FAT1: variants seen among roughly 807,000 people sequenced by gnomAD.
The protein encoded by FAT1 is FAT atypical cadherin 1.
Under a neutral mutation model 329.8 loss-of-function variants are expected in FAT1, and 171 were observed. That is an observed-to-expected ratio of 0.52 (90% CI 0.46 to 0.59). FAT1 has a LOEUF of 0.59. Ranked by LOEUF, FAT1 falls within the 20% of genes least tolerant of loss-of-function variation. The pLI, the probability that FAT1 is intolerant of heterozygous loss-of-function variation, is 0.00. For synonymous variants in FAT1, 2,233 were observed against 2,228.6 expected, an observed-to-expected ratio of 1.00 and a Z score of -0.06; for missense variants, 5,672 against 5,774.4, an observed-to-expected ratio of 0.98 and a Z score of 0.57.
At chr4:186,719,068 C>T (rs1745345585) in intron 1 of FAT1, among the ~76,000 whole-genome samples, 1 of 152,150 alleles carries the variant, frequency 6.6e-6, no homozygotes, top group Non-Finnish European at 1.5e-5. Flanking sequence ...GATTCTCTTC[C>T]ATACTCTTTT....
At chr4:186,676,281 A>G (rs1742955362) in intron 2 of FAT1, among the ~76,000 whole-genome samples, 1 of 150,054 alleles carries the variant, frequency 6.7e-6, no homozygotes, top group African/African-American at 2.5e-5. Context: ...ATTTTGTGAA[A>G]AAAAAAAACA....
intron 1 of FAT1, among the ~76,000 whole-genome samples, chr4:186,721,292 C>T (rs953838657): frequency 6.6e-6 from 1 of 152,178 alleles, no homozygotes; most frequent in African/African-American, 2.4e-5. Flanking sequence ...GATTCCTCAT[C>T]AGAATATATT....
chr4:186,657,743 T>G (rs934272126), intron 3 of FAT1, among the ~76,000 whole-genome samples: 1 of 152,210 alleles, frequency 6.6e-6, no homozygotes, highest in Non-Finnish European at 1.5e-5. Context: ...AGCAAGACCA[T>G]GGTCTCTTCT....
intron 2 of FAT1, among the ~76,000 whole-genome samples, chr4:186,664,763 G>A (rs972371223): frequency 6.6e-6 from 1 of 152,092 alleles, no homozygotes. Context: ...TTGATCACTC[G>A]GGACTAAAGA....
At position 186,636,585 on chromosome 4, in the gene FAT1, T is replaced by G; in HGVS notation, c.3972A>C (p.Ser1324=). ...TTACAGTACTACAATCTTAACTCAC[T>G]GAAAGAATATCATATTCTCCAGCTG... is the stretch of plus-strand genomic sequence containing the variant. ...FSAAGEYDIL[S]IKAVDNGRPQ... The change falls in exon 5 of 27, where the codon TCA becomes TCC. Residue 1324 remains serine, a splice_region_variant and synonymous_variant. Coordinates refer to ENST00000441802, the MANE Select transcript of FAT1 (RefSeq NM_005245.4). The G allele has an allele frequency of 6.2e-7, 1 of 1,601,852 alleles. No individual in the cohort carries two copies. The highest frequency in any genetic ancestry group is 1.7e-5 in the Admixed American group (1 of 57,874).
chr4:186,648,084 T>G lies in FAT1; in HGVS notation c.3581-8301A>C, dbSNP rs548523679. Among the ~76,000 whole-genome samples the G allele has an allele frequency of 2.0e-5, 3 of 152,282 alleles. No homozygotes were observed. The South Asian group carries it at 6.2e-4, about 32-fold the overall frequency. On this transcript the variant is annotated intron_variant, in intron 3 of 26. Transcript: ENST00000441802. ...CATATGTGTGTACGGATGTAATGTG[T>G]GCACAAACTCCTGTGCACAGAAGCT...
chr4:186,634,420 A>G (rs1034566853), intron 6 of FAT1, among the ~76,000 whole-genome samples: 1 of 152,210 alleles, frequency 6.6e-6, no homozygotes, highest in African/African-American at 2.4e-5. Flanking sequence ...TTTCAAATCC[A>G]TCGACCTAGA....
chr4:186,658,996 C>T (rs748874314), intron 3 of FAT1, among the ~76,000 whole-genome samples: 68 of 152,220 alleles, frequency 4.5e-4, no homozygotes, highest in African/African-American at 1.5e-3. Flanking sequence ...TGCATAACGA[C>T]GTGTCAGTTA....
chr4:186,699,492 A>T (rs1175399098), intron 2 of FAT1, among the ~76,000 whole-genome samples: 2 of 152,206 alleles, frequency 1.3e-5, no homozygotes, highest in African/African-American at 4.8e-5. Context: ...CTTGAAGTAT[A>T]TATGTGAATA....
intron 3 of FAT1, among the ~76,000 whole-genome samples, chr4:186,641,870 G>A (rs1741111898): frequency 1.3e-5 from 2 of 152,048 alleles, no homozygotes; most frequent in African/African-American, 4.8e-5. Context: ...TAGCTGACAT[G>A]GTGGCACACA....
intron 2 of FAT1, among the ~76,000 whole-genome samples, chr4:186,688,151 A>T (rs1459177958): frequency 6.6e-6 from 1 of 150,890 alleles, no homozygotes; most frequent in African/African-American, 2.4e-5. Flanking sequence ...CTATGTAATC[A>T]TTTCCAAATT....
intron 3 of FAT1, among the ~76,000 whole-genome samples, chr4:186,648,544 T>A (rs908023948): frequency 7.9e-5 from 12 of 152,104 alleles, no homozygotes; most frequent in African/African-American, 2.7e-4. Context: ...ACTGTAAAAA[T>A]AAAGTTTGCT....
chr4:186,630,593 G>A (rs1452940817), intron 7 of FAT1, among the ~76,000 whole-genome samples: 1 of 152,164 alleles, frequency 6.6e-6, no homozygotes, highest in Non-Finnish European at 1.5e-5. Context: ...CAGTGCTGAT[G>A]TGCAACAAGA....
At chr4:186,598,180 G>A (rs2126404100) in intron 22 of FAT1, 55 bp from the exon 23 acceptor site, 2 of 1,450,270 alleles carry the variant, frequency 1.4e-6, no homozygotes, top group South Asian at 1.4e-5. Flanking sequence ...TCAGAAACCT[G>A]GTCTTAATTA....
In FAT1 at chr4:186,628,351, T is replaced by C; in HGVS notation, c.4613A>G (p.Asp1538Gly). ...HTLTVMVRDQ[D>G]VPVKRNFARI... ...TGCAAAGTTGCGTTTTACAGGCACA[T>C]CTTGATCTCGTACCTAAAAAGAATT... The change falls in exon 9 of 27, where the codon GAT becomes GGT. Residue 1538 changes from aspartate (D) to glycine (G), a missense_variant. By Grantham distance (94) the Asp-to-Gly change is moderately conservative. Around this residue, in one of 2 missense-constraint regions of FAT1, gnomAD observed 3,966 missense variants for 3,915.2 expected, o/e 1.01. Transcript: ENST00000441802. The C allele has an allele frequency of 1.9e-6, 3 of 1,612,724 alleles. No individual in the cohort carries two copies. Among genetic ancestry groups the C allele is most frequent in the Non-Finnish European group, 2.5e-6 (3 of 1,179,198 alleles).
intron 3 of FAT1, among the ~76,000 whole-genome samples, chr4:186,660,442 T>C (rs1267034037): frequency 6.6e-6 from 1 of 152,248 alleles, no homozygotes; most frequent in Non-Finnish European, 1.5e-5. Context: ...CTGTGGAATG[T>C]TGAGACTTCT....
rs1743908204 is a variant in FAT1, at chr4:186,693,846, CT to C, written c.3265+12716del. ...TCTGGATTTGCCTACACTTATTCCACTTGAGTTTCTCATGTATTTCATCTAA... is the reference window on the plus strand; with the variant it reads ...TCTGGATTTGCCTACACTTATTCCACTGAGTTTCTCATGTATTTCATCTAA... On this transcript the variant is annotated intron_variant, in intron 2 of 26. Coordinates refer to ENST00000441802, the MANE Select transcript of FAT1 (RefSeq NM_005245.4). 6.6e-5 allele frequency among the ~76,000 whole-genome samples: 10 copies of C among 152,332 alleles called. No individual in the cohort carries two copies. In the South Asian group the frequency reaches 2.1e-3, roughly 32 times the overall value.
In FAT1 at chr4:186,708,449, G is replaced by A. The variant is rs1224740278; in HGVS notation, c.1379C>T (p.Pro460Leu). The change falls in exon 2 of 27, where the codon CCC becomes CTC. Residue 460 changes from proline (P) to leucine (L), a missense_variant. Around this residue, in one of 2 missense-constraint regions of FAT1, gnomAD observed 3,966 missense variants for 3,915.2 expected, o/e 1.01. Coordinates refer to ENST00000441802, the MANE Select transcript of FAT1 (RefSeq NM_005245.4). ...LVKVLGANSNPPEFTQTAYKA... is the reference protein window; with the variant it reads ...LVKVLGANSNLPEFTQTAYKA... ...GTACGCTGTCTGGGTAAATTCAGGG[G>A]GATTGCTATTTGCACCTAAGACTTT... The A allele has an allele frequency of 6.2e-7, 1 of 1,613,882 alleles. No homozygotes were observed. Among genetic ancestry groups the A allele is most frequent in the Non-Finnish European group, 8.5e-7 (1 of 1,179,872 alleles).
At chr4:186,710,178 A>G (rs1351917797) in intron 1 of FAT1, among the ~76,000 whole-genome samples, 5 of 152,230 alleles carry the variant, frequency 3.3e-5, no homozygotes, top group Non-Finnish European at 7.3e-5. Context: ...TAAATCGTTA[A>G]GGCAAATATA....
Sources: gnomAD v4.1 joint callset for allele counts (sites outside exome capture counted in the v4.1 genomes callset) on GRCh38, gnomAD v4.1.1 for gene constraint, gnomAD v4.1.1 regional missense constraint, MANE v1.5 for transcripts, NCBI Gene and HGNC (gene_info 2026-07-23, HGNC 2026-07-21) for gene names.